The following SH3PXD2B variants were observed in gnomAD, a reference collection of about 807,000 sequenced individuals.
SH3PXD2B encodes SH3 and PX domains 2B, also known as SH3 and PX domain-containing protein 2B.
SH3PXD2B carries 37 observed loss-of-function variants against 73.1 expected under a neutral mutation model. That is an observed-to-expected ratio of 0.51 (90% CI 0.39 to 0.67). The LOEUF (loss-of-function observed/expected upper bound fraction) is 0.67. Among genes scored for constraint, SH3PXD2B ranks in the 30% least tolerant of loss-of-function variants. The probability of loss-of-function intolerance (pLI) is 0.00; values close to 1 mark genes in which losing one functional copy is unlikely to be tolerated. For missense variants in SH3PXD2B, 1,053 were observed against 1,197.8 expected, an observed-to-expected ratio of 0.88 and a Z score of 1.78; for synonymous variants, 457 against 480.5, an observed-to-expected ratio of 0.95 and a Z score of 0.64.
intron 12 of SH3PXD2B, among the ~76,000 whole-genome samples, chr5:172,326,214 A>C (rs1756445230): frequency 6.6e-6 from 1 of 152,228 alleles, no homozygotes; most frequent in Non-Finnish European, 1.5e-5. Context: ...TGCACCACCC[A>C]ACCCAGATTC....
chr5:172,424,824 G>C (rs1218399916), intron 1 of SH3PXD2B, among the ~76,000 whole-genome samples: 2 of 152,176 alleles, frequency 1.3e-5, no homozygotes, highest in Non-Finnish European at 2.9e-5. Context: ...GTTGTGATTA[G>C]CACAAGAGGA....
intron 12 of SH3PXD2B, among the ~76,000 whole-genome samples, chr5:172,344,179 T>G (rs1387965306): frequency 6.6e-6 from 1 of 152,172 alleles, no homozygotes; most frequent in Non-Finnish European, 1.5e-5. Context: ...CTGGTAGCCC[T>G]ACTGCTAGAA....
intron 6 of SH3PXD2B, 43 bp downstream of exon 6, chr5:172,373,747 G>A: frequency 3.8e-6 from 6 of 1,593,860 alleles, no homozygotes; most frequent in Non-Finnish European, 5.1e-6. Context: ...GCTGGAGTTT[G>A]CCGAAAACTG....
chr5:172,403,953 G>C (rs566327775), intron 3 of SH3PXD2B, among the ~76,000 whole-genome samples: 1 of 152,202 alleles, frequency 6.6e-6, no homozygotes, highest in South Asian at 2.1e-4. Context: ...GGGGGATGTC[G>C]CTTGCTTGAG....
chr5:172,403,424 G>C (rs1046314498), intron 3 of SH3PXD2B, among the ~76,000 whole-genome samples: 1 of 152,146 alleles, frequency 6.6e-6, no homozygotes, highest in East Asian at 1.9e-4. Context: ...CCTCACCCTC[G>C]GCCTTGAGGA....
chr5:172,429,617 G>A (rs1759184603), intron 1 of SH3PXD2B, among the ~76,000 whole-genome samples: 1 of 152,126 alleles, frequency 6.6e-6, no homozygotes. Flanking sequence ...TGGTGGTGAA[G>A]GGAGGGTGGG....
At chr5:172,419,263 C>T (rs1205267045) in intron 2 of SH3PXD2B, among the ~76,000 whole-genome samples, 1 of 152,058 alleles carries the variant, frequency 6.6e-6, no homozygotes, top group Non-Finnish European at 1.5e-5. Context: ...AGGGCCTGGA[C>T]GCGTGCCTCG....
Position 172,346,064 on chromosome 5 carries a change from CA to C in SH3PXD2B, c.1188+71del, listed in dbSNP as rs1298635931. 7 of 1,609,498 alleles carry C rather than the reference CA, an allele frequency of 4.3e-6. No individual in the cohort carries two copies. In the African/African-American group the frequency reaches 6.7e-5, roughly 15 times the overall value. ...ACCCACCCAGTGAAGTAGGAGGTGACAGGGGAGAAGTAGGAGGTGATGCCTG... is the reference window on the plus strand; with the variant it reads ...ACCCACCCAGTGAAGTAGGAGGTGACGGGGAGAAGTAGGAGGTGATGCCTG... On this transcript the variant is annotated intron_variant, in intron 12 of 12. Transcript: ENST00000311601.
At chr5:172,449,462 C>T (rs1444249503) in intron 1 of SH3PXD2B, among the ~76,000 whole-genome samples, 1 of 152,210 alleles carries the variant, frequency 6.6e-6, no homozygotes, top group East Asian at 1.9e-4. Flanking sequence ...CTGCAGACTC[C>T]TCCAGGGGAA....
intron 4 of SH3PXD2B, 76 bp downstream of exon 4, chr5:172,394,487 C>A: frequency 1.4e-6 from 2 of 1,459,334 alleles, no homozygotes; most frequent in Non-Finnish European, 9.5e-7. Context: ...TATTGTTGAG[C>A]ATCTTGTAGC....
At chr5:172,378,331 C>T (rs866701705) in intron 5 of SH3PXD2B, among the ~76,000 whole-genome samples, 3 of 152,222 alleles carry the variant, frequency 2.0e-5, no homozygotes, top group African/African-American at 7.2e-5. Context: ...GGGCCGCCAG[C>T]GCGGGGCTTC....
intron 4 of SH3PXD2B, among the ~76,000 whole-genome samples, chr5:172,383,707 C>G (rs944979985): frequency 1.2e-4 from 19 of 152,166 alleles, no homozygotes; most frequent in African/African-American, 4.6e-4. Context: ...CCAAGCAGTG[C>G]GTGCTCTGCA....
Position 172,337,012 on chromosome 5 carries a change from T to C in SH3PXD2B, c.*1357A>G, listed in dbSNP as rs1316611098. On this transcript the variant is annotated 3_prime_UTR_variant, in exon 13 of 13. Transcript: ENST00000311601. ...CCTATGGGACCGCTGCATGCTATGC[T>C]CAGAGCCCTCCAGGCTGGCCCTCGA... 1 of 985,410 alleles carries C rather than the reference T, an allele frequency of 1.0e-6. No individual in the cohort carries two copies. Among genetic ancestry groups the C allele is most frequent in the Non-Finnish European group, 1.2e-6 (1 of 830,036 alleles). 61.0% of individuals were successfully genotyped at this position (985,410 alleles called of 1,614,324 possible).
chr5:172,388,334 C>G (rs1156804603), intron 4 of SH3PXD2B, among the ~76,000 whole-genome samples: 2 of 152,108 alleles, frequency 1.3e-5, no homozygotes, highest in African/African-American at 2.4e-5. Context: ...TGGTTCACAA[C>G]AATGTCAGTA....
At chr5:172,388,384 T>C (rs779491261) in intron 4 of SH3PXD2B, among the ~76,000 whole-genome samples, 1 of 152,172 alleles carries the variant, frequency 6.6e-6, no homozygotes, top group Non-Finnish European at 1.5e-5. Context: ...ATGTAGTCTA[T>C]AAAAGAAAGG....
At chr5:172,348,472 G>C (rs1757044670) in intron 10 of SH3PXD2B, among the ~76,000 whole-genome samples, 1 of 152,086 alleles carries the variant, frequency 6.6e-6, no homozygotes, top group Admixed American at 6.5e-5. Flanking sequence ...TAAGACTCTT[G>C]ATTGCCTGGA....
chr5:172,337,691 C>T lies in SH3PXD2B; in HGVS notation c.*678G>A. 1.0e-6 allele frequency: 1 copy of T among 990,616 alleles called. No homozygotes were observed. Among genetic ancestry groups the T allele is most frequent in the Non-Finnish European group, 1.2e-6 (1 of 833,114 alleles). 61.4% of individuals were successfully genotyped at this position (990,616 alleles called of 1,614,324 possible). The stretch of plus-strand genomic sequence containing the variant: ...CATACGCGGGGCTGGAACCACCCTT[C>T]AGGGCTGACCACGGTCCCAAGATAG... On this transcript the variant is annotated 3_prime_UTR_variant, in exon 13 of 13. Coordinates refer to ENST00000311601, the MANE Select transcript of SH3PXD2B (RefSeq NM_001017995.3).
intron 2 of SH3PXD2B, among the ~76,000 whole-genome samples, chr5:172,419,277 T>C (rs997147535): frequency 6.6e-6 from 1 of 151,948 alleles, no homozygotes; most frequent in Non-Finnish European, 1.5e-5. Context: ...TGCCTCGACA[T>C]GTCAGCAATG....
chr5:172,347,415 T>A (rs968010219), intron 10 of SH3PXD2B, 83 bp from the exon 11 acceptor site: 10 of 1,412,884 alleles, frequency 7.1e-6, no homozygotes, highest in Non-Finnish European at 1.0e-5. Context: ...TATTTTCTCC[T>A]GCAGAAGATT....
Sources: allele counts gnomAD v4.1 joint callset (sites outside exome capture counted in the v4.1 genomes callset), GRCh38; gene constraint gnomAD v4.1.1; transcripts MANE v1.5; gene names NCBI Gene and HGNC (gene_info 2026-07-23, HGNC 2026-07-21).